ATXN1: variants seen among roughly 807,000 people sequenced by gnomAD.
The protein encoded by ATXN1 is ataxin-1.
A neutral mutation model predicts 56.4 loss-of-function variants in ATXN1; 8 were observed. The observed-to-expected ratio is 0.14, with a 90% CI of 0.08 to 0.26. ATXN1 has a LOEUF of 0.26. Ranked by LOEUF, ATXN1 falls within the 10% of genes least tolerant of loss-of-function variation. ATXN1 has a pLI of 1.00. For synonymous variants in ATXN1, 514 were observed against 494.6 expected, an observed-to-expected ratio of 1.04 and a Z score of -0.52; for missense variants, 987 against 1,106.5, an observed-to-expected ratio of 0.89 and a Z score of 1.53.
chr6:16,658,077 A>C (rs1758242717), intron 2 of ATXN1, among the ~76,000 whole-genome samples, 176 bp from the exon 3 acceptor site: 1 of 152,162 alleles, frequency 6.6e-6, no homozygotes, highest in African/African-American at 2.4e-5. Flanking sequence ...AGGTGCCCTA[A>C]AATACTGGAG....
intron 6 of ATXN1, among the ~76,000 whole-genome samples, chr6:16,346,774 C>T (rs1761404834): frequency 6.6e-6 from 1 of 152,228 alleles, no homozygotes; most frequent in African/African-American, 2.4e-5. Context: ...TGGGCTCCCA[C>T]TTTGGCGGCT....
chr6:16,393,866 A>C (rs1363654739), intron 6 of ATXN1, among the ~76,000 whole-genome samples: 1 of 151,684 alleles, frequency 6.6e-6, no homozygotes, highest in African/African-American at 2.4e-5. Flanking sequence ...AATAAAGTGT[A>C]ATACCTTTTC....
chr6:16,706,312 T>C (rs1581381666), intron 2 of ATXN1, among the ~76,000 whole-genome samples: 3 of 152,338 alleles, frequency 2.0e-5, no homozygotes, highest in East Asian at 1.9e-4. Flanking sequence ...TCCTATCTTA[T>C]GCTTTAGCCT....
chr6:16,328,164 G>T lies in ATXN1; in HGVS notation c.147C>A (p.Asn49Lys), dbSNP rs778398422. The T allele has an allele frequency of 1.3e-6, 2 of 1,591,460 alleles. No individual in the cohort carries two copies. The highest frequency in any genetic ancestry group is 2.2e-5 in the East Asian group (1 of 44,516). ...RVEGTAWLPG[N>K]PGGRGHGGGR... ...CGCCCCCGTGGCCCCGGCCACCAGG[G>T]TTGCCCGGGAGCCATGCTGTGCCCT... The change falls in exon 7 of 8, where the codon AAC becomes AAA. Residue 49 changes from asparagine to lysine, a missense_variant. Physicochemically the swap from Asn to Lys is moderately conservative, Grantham distance 94. Around this residue, in one of 3 missense-constraint regions of ATXN1, gnomAD observed 723 missense variants for 791.7 expected, o/e 0.91. Transcript: ENST00000436367. The surrounding 1 kb of genome is among the most constrained non-coding windows in gnomAD (Gnocchi z 6.2).
At chr6:16,741,155 C>T (rs1760328103) in intron 2 of ATXN1, among the ~76,000 whole-genome samples, 1 of 152,186 alleles carries the variant, frequency 6.6e-6, no homozygotes, top group African/African-American at 2.4e-5. Flanking sequence ...GTTCTGTTTT[C>T]TCCCCTAGAA....
intron 3 of ATXN1, among the ~76,000 whole-genome samples, chr6:16,648,305 C>T (rs930681435): frequency 1.3e-5 from 2 of 152,124 alleles, no homozygotes; most frequent in African/African-American, 2.4e-5. Flanking sequence ...CTGCAGAGGG[C>T]AGTTCAACAT....
At chr6:16,465,989 G>T (rs1369709262) in intron 6 of ATXN1, among the ~76,000 whole-genome samples, 1 of 152,150 alleles carries the variant, frequency 6.6e-6, no homozygotes, top group African/African-American at 2.4e-5. Flanking sequence ...ACTGTGTCCA[G>T]GAAGCTGAGA....
At chr6:16,321,629 C>T (rs1035756725) in intron 7 of ATXN1, among the ~76,000 whole-genome samples, 7 of 152,196 alleles carry the variant, frequency 4.6e-5, no homozygotes, top group Non-Finnish European at 1.0e-4. Context: ...CCTACATTGC[C>T]TCGTCTGGAG....
rs1760150586 is a variant in ATXN1 at position 16,303,040 on chromosome 6, C to T, written c.*3289G>A. The T allele has an allele frequency of 6.5e-6, 1 of 152,686 alleles. No homozygotes were observed. The highest frequency in any genetic ancestry group is 6.5e-5 in the Admixed American group (1 of 15,286). The allele number at this position is 152,686 out of a possible 1,614,324, so 9.5% of individuals were successfully genotyped here. A position where few individuals can be genotyped will look rare whatever the true frequency, so the allele number is the denominator to read the frequency against. Reference sequence around the variant, plus strand: ...GGTGACCGTGGGTGGCAGGTGGTCCCCTCCACAGCCACTGGCCAACACGCT... The same window carrying T: ...GGTGACCGTGGGTGGCAGGTGGTCCTCTCCACAGCCACTGGCCAACACGCT... On this transcript the variant is annotated 3_prime_UTR_variant, in exon 8 of 8. Coordinates refer to ENST00000436367, the MANE Select transcript of ATXN1 (RefSeq NM_001128164.2). The surrounding 1 kb of genome is among the most constrained non-coding windows in gnomAD (Gnocchi z 4.3).
At chr6:16,364,671 C>T (rs1442823065) in intron 6 of ATXN1, among the ~76,000 whole-genome samples, 3 of 152,204 alleles carry the variant, frequency 2.0e-5, no homozygotes, top group Admixed American at 6.5e-5. Context: ...ACTTGTTTCT[C>T]ATGTGCCAGG....
intron 7 of ATXN1, among the ~76,000 whole-genome samples, chr6:16,308,822 G>A (rs904811135): frequency 1.3e-5 from 2 of 151,996 alleles, no homozygotes; most frequent in African/African-American, 4.8e-5. Flanking sequence ...GATGCACCAG[G>A]GCTTCTCATA....
At chr6:16,417,441 A>ATTTTTTTTTTTTTTTTTTTTTTTTTTTT (rs1188606545) in intron 6 of ATXN1, among the ~76,000 whole-genome samples, 1 of 136,512 alleles carries the variant, frequency 7.3e-6, no homozygotes, top group Non-Finnish European at 1.6e-5. Context: ...CAAGTTTCTT[A>ATTTTTTTTTTTTTTTTTTTTTTTTTTTT]TTTTTTTTTT....
At chr6:16,634,534 C>A (rs1464188681) in intron 3 of ATXN1, among the ~76,000 whole-genome samples, 2 of 152,120 alleles carry the variant, frequency 1.3e-5, no homozygotes, top group Non-Finnish European at 2.9e-5. Flanking sequence ...TTTAGATTTT[C>A]TTCTCCAAAA....
intron 3 of ATXN1, among the ~76,000 whole-genome samples, chr6:16,609,515 T>C (rs1482671972): frequency 6.6e-6 from 1 of 152,216 alleles, no homozygotes; most frequent in African/African-American, 2.4e-5. Context: ...GAGATTGCCC[T>C]GTGGCTCCAG....
In ATXN1 at chr6:16,614,674, G is replaced by A. The variant is rs796772162; in HGVS notation, c.-488-28767C>T. The stretch of plus-strand genomic sequence containing the variant: ...GCGGTGGCTCATGCCTGTAACCCCA[G>A]CACTTTGGGAGGCTGAAGCGGGTGG... On this transcript the variant is annotated intron_variant, in intron 3 of 7. Transcript: ENST00000436367. Among the ~76,000 whole-genome samples, 8 of 151,818 alleles carry A rather than the reference G, an allele frequency of 5.3e-5. No homozygotes were observed. The South Asian group carries it at 1.0e-3, about 20-fold the overall frequency.
chr6:16,526,064 T>TATATATACACACAC (rs370698828), intron 4 of ATXN1, among the ~76,000 whole-genome samples: 1 of 133,310 alleles, frequency 7.5e-6, no homozygotes, highest in Non-Finnish European at 1.6e-5. Flanking sequence ...TATATATATA[T>TATATATACACACAC]ACATACATAC....
chr6:16,359,372 G>C (rs971193853), intron 6 of ATXN1, among the ~76,000 whole-genome samples: 2 of 152,104 alleles, frequency 1.3e-5, no homozygotes, highest in African/African-American at 4.8e-5. Flanking sequence ...AAAAGCCCTG[G>C]GCTTAGCCAC....
intron 2 of ATXN1, among the ~76,000 whole-genome samples, chr6:16,684,852 G>C (rs1234494976): frequency 1.4e-5 from 2 of 147,008 alleles, no homozygotes; most frequent in African/African-American, 5.0e-5. Context: ...ATTAGGGCTG[G>C]TTTTTTTTTT....
intron 4 of ATXN1, among the ~76,000 whole-genome samples, chr6:16,550,754 C>T (rs1482624111): frequency 1.3e-5 from 2 of 152,214 alleles, no homozygotes; most frequent in African/African-American, 4.8e-5. Flanking sequence ...TATAGTATGA[C>T]ACAGTCTGTA....
Sources: allele counts gnomAD v4.1 joint callset (sites outside exome capture counted in the v4.1 genomes callset), GRCh38; gene constraint gnomAD v4.1.1; regional missense constraint gnomAD v4.1.1; non-coding constraint Gnocchi (gnomAD v3.1); transcripts MANE v1.5; gene names NCBI Gene and HGNC (gene_info 2026-07-23, HGNC 2026-07-21).